GALNT17: variants seen among roughly 807,000 people sequenced by gnomAD.
GALNT17 encodes the protein UDP-GalNAc:polypeptide N-acetylgalactosaminyltransferase-like 3.
In GALNT17, 29 loss-of-function variants were observed where a neutral mutation model predicts 63.7. The observed-to-expected ratio is 0.46, with a 90% CI of 0.34 to 0.62. The LOEUF (loss-of-function observed/expected upper bound fraction) is 0.62, where lower values mean the gene tolerates loss of function less well. Among genes scored for constraint, GALNT17 ranks in the 20% least tolerant of loss-of-function variants. The probability of loss-of-function intolerance (pLI) is 0.01; values close to 1 mark genes in which losing one functional copy is unlikely to be tolerated. For synonymous variants in GALNT17, 305 were observed against 318.3 expected (o/e 0.96, Z 0.45); for missense variants, 603 against 799.6 (o/e 0.75, Z 2.97).
intron 1 of GALNT17, among the ~76,000 whole-genome samples, chr7:71,259,233 T>C (rs1790339156): frequency 6.6e-6 from 1 of 152,210 alleles, no homozygotes; most frequent in East Asian, 1.9e-4. Context: ...AAGCTGCAGA[T>C]CTCTGAGTCA....
chr7:71,331,250 C>T (rs1366593256), intron 1 of GALNT17, among the ~76,000 whole-genome samples: 1 of 151,748 alleles, frequency 6.6e-6, no homozygotes, highest in Non-Finnish European at 1.5e-5. Context: ...ATCTCTTAAA[C>T]AACCCTCAAA....
intron 5 of GALNT17, among the ~76,000 whole-genome samples, chr7:71,488,619 G>A (rs1394526845): frequency 9.6e-6 from 1 of 104,188 alleles, no homozygotes; most frequent in Non-Finnish European, 1.8e-5. Context: ...TTACTGTATT[G>A]CCCAAGCTGG....
intron 6 of GALNT17, among the ~76,000 whole-genome samples, chr7:71,651,401 TA>T (rs1790753461): frequency 6.6e-6 from 1 of 151,628 alleles, no homozygotes; most frequent in Non-Finnish European, 1.5e-5. Context: ...CTCCCAGGTT[TA>T]AGCAATTCTC....
chr7:71,167,153 C>T (rs1303785055), intron 1 of GALNT17, among the ~76,000 whole-genome samples: 5 of 149,894 alleles, frequency 3.3e-5, no homozygotes, highest in Non-Finnish European at 7.4e-5. Context: ...TCCCAAAGTG[C>T]TGGGATTACA....
At chr7:71,517,092 C>T (rs769415183) in intron 5 of GALNT17, among the ~76,000 whole-genome samples, 10 of 152,088 alleles carry the variant, frequency 6.6e-5, no homozygotes, top group East Asian at 1.9e-4. Flanking sequence ...TTAGCTTAGG[C>T]GACCGTAACA....
At chr7:71,566,016 TG>T (rs1789337924) in intron 5 of GALNT17, among the ~76,000 whole-genome samples, 1 of 149,558 alleles carries the variant, frequency 6.7e-6, no homozygotes, top group Admixed American at 6.7e-5. Context: ...GCTAATTTTG[TG>T]GGTTTTGTTT....
chr7:71,450,699 A>G lies in GALNT17; in HGVS notation c.962+29594A>G, dbSNP rs1036269649. ...ACTCTCCCAGCCCCAGGCAACCACAAATCTATTTTCTGTCTCTTTGGATTT... is the reference window on the plus strand; with the variant it reads ...ACTCTCCCAGCCCCAGGCAACCACAGATCTATTTTCTGTCTCTTTGGATTT... On this transcript the variant is annotated intron_variant, in intron 5 of 10. Transcript: ENST00000333538. Among the ~76,000 whole-genome samples, 10 of 152,086 alleles carry G rather than the reference A, an allele frequency of 6.6e-5. No individual in the cohort carries two copies. In the East Asian group the frequency reaches 1.9e-3, roughly 30 times the overall value.
At chr7:71,409,719 C>T (rs1487122587) in intron 3 of GALNT17, among the ~76,000 whole-genome samples, 5 of 152,182 alleles carry the variant, frequency 3.3e-5, no homozygotes, top group Non-Finnish European at 7.3e-5. Flanking sequence ...CGTATGTCCA[C>T]TGTGCAGTAA....
intron 2 of GALNT17, among the ~76,000 whole-genome samples, chr7:71,350,412 AAATGAAC>A (rs780750411): frequency 6.6e-6 from 1 of 152,232 alleles, no homozygotes; most frequent in Non-Finnish European, 1.5e-5. Flanking sequence ...GTTTTGAAGT[AAATGAAC>A]AGGTGCTAAC....
chr7:71,368,916 G>A lies in GALNT17; in HGVS notation c.423-19319G>A, dbSNP rs530303000. ...CGTATCTATACTGCCCAGTTTCCTC[G>A]GGGGTGGGGGGGGGTGTTCCTCTCT... On this transcript the variant is annotated intron_variant, in intron 2 of 10. Coordinates refer to ENST00000333538, the MANE Select transcript of GALNT17 (RefSeq NM_022479.3). Among the ~76,000 whole-genome samples, 242 of 131,010 alleles carry A rather than the reference G, an allele frequency of 1.8e-3. 1 individual carries two copies. The highest frequency in any genetic ancestry group is 7.4e-3 in the African/African-American group (235 of 31,718). The allele number at this position is 131,010 out of a possible 152,430, so 85.9% of individuals were successfully genotyped here. A position where few individuals can be genotyped will look rare whatever the true frequency, so the allele number is the denominator to read the frequency against.
At chr7:71,520,315 G>A (rs558925519) in intron 5 of GALNT17, among the ~76,000 whole-genome samples, 8 of 152,242 alleles carry the variant, frequency 5.3e-5, no homozygotes, top group African/African-American at 1.9e-4. Context: ...CCTGAGGTCA[G>A]GAGTTTGAGA....
chr7:71,561,893 T>C (rs1789262047), intron 5 of GALNT17, among the ~76,000 whole-genome samples: 4 of 151,972 alleles, frequency 2.6e-5, no homozygotes, highest in Non-Finnish European at 5.9e-5. Context: ...TGCCTTCTGG[T>C]ACATTCTGGA....
intron 6 of GALNT17, among the ~76,000 whole-genome samples, chr7:71,617,393 C>T (rs1173045561): frequency 6.6e-6 from 1 of 150,702 alleles, no homozygotes; most frequent in Non-Finnish European, 1.5e-5. Flanking sequence ...ACAATCTCAG[C>T]TCACTGCAAC....
At chr7:71,628,279 A>G (rs1295948553) in intron 6 of GALNT17, among the ~76,000 whole-genome samples, 1 of 152,192 alleles carries the variant, frequency 6.6e-6, no homozygotes, top group Non-Finnish European at 1.5e-5. Context: ...ATTAGATTCA[A>G]CCGACATAAA....
In GALNT17 at chr7:71,182,781, G is replaced by C. The variant is rs530753528; in HGVS notation, c.238+49741G>C. Among the ~76,000 whole-genome samples the C allele has an allele frequency of 3.9e-5, 6 of 152,210 alleles. No homozygotes were observed. In the East Asian group the frequency reaches 5.8e-4, roughly 15 times the overall value. ...GACTGGGGAGGACTTCTGGGATTACGTTATGCTCATTTGCTAACCTGCAAA... is the reference window on the plus strand; with the variant it reads ...GACTGGGGAGGACTTCTGGGATTACCTTATGCTCATTTGCTAACCTGCAAA... On this transcript the variant is annotated intron_variant, in intron 1 of 10. Transcript: ENST00000333538.
At chr7:71,376,095 A>G (rs7790702) in intron 2 of GALNT17, among the ~76,000 whole-genome samples, 36 of 151,690 alleles carry the variant, frequency 2.4e-4, no homozygotes, top group African/African-American at 7.8e-4. Flanking sequence ...AAAGAAAAAG[A>G]AAAAGAAAAA....
chr7:71,531,347 C>G (rs1788717861), intron 5 of GALNT17, among the ~76,000 whole-genome samples: 1 of 152,110 alleles, frequency 6.6e-6, no homozygotes, highest in Non-Finnish European at 1.5e-5. Flanking sequence ...GATCTACCCC[C>G]TTAGCAAATA....
At chr7:71,521,442 T>C (rs1409315608) in intron 5 of GALNT17, among the ~76,000 whole-genome samples, 2 of 152,198 alleles carry the variant, frequency 1.3e-5, no homozygotes, top group African/African-American at 2.4e-5. Flanking sequence ...TACAAAAGAT[T>C]TGCAGAACCT....
chr7:71,566,066 G>A (rs2116866958), intron 5 of GALNT17, among the ~76,000 whole-genome samples: 1 of 151,744 alleles, frequency 6.6e-6, no homozygotes, highest in Non-Finnish European at 1.5e-5. Flanking sequence ...TAGAGACAGG[G>A]ATTTTCCCAT....
Sources: gnomAD v4.1 joint callset for allele counts (sites outside exome capture counted in the v4.1 genomes callset) on GRCh38, gnomAD v4.1.1 for gene constraint, MANE v1.5 for transcripts, NCBI Gene and HGNC (gene_info 2026-07-23, HGNC 2026-07-21) for gene names.